PCDHA13: variants seen among roughly 807,000 people sequenced by gnomAD.
The protein encoded by PCDHA13 is protocadherin alpha-13.
PCDHA13 carries 54 observed loss-of-function variants against 64.8 expected under a neutral mutation model. The ratio of observed to expected loss-of-function variants is 0.83; its 90% CI spans 0.67 to 1.04. The LOEUF (loss-of-function observed/expected upper bound fraction) is 1.04. Among genes scored for constraint, PCDHA13 ranks in the 50% least tolerant of loss-of-function variants. PCDHA13 has a pLI of 0.00. For missense variants in PCDHA13, 1,248 were observed against 1,254.3 expected (o/e 0.99, Z 0.08); for synonymous variants, 587 against 564.4 (o/e 1.04, Z -0.57).
intron 1 of PCDHA13, among the ~76,000 whole-genome samples, chr5:140,933,721 C>G (rs957167505): frequency 6.6e-6 from 1 of 151,982 alleles, no homozygotes; most frequent in Non-Finnish European, 1.5e-5. Flanking sequence ...ATTGGTGATA[C>G]AGCTTTCTTA....
At chr5:140,959,090 G>A (rs797041561) in intron 1 of PCDHA13, among the ~76,000 whole-genome samples, 2 of 151,986 alleles carry the variant, frequency 1.3e-5, no homozygotes, top group African/African-American at 2.4e-5. Flanking sequence ...CCTTGGTTTC[G>A]GACATTCAGC....
intron 1 of PCDHA13, among the ~76,000 whole-genome samples, chr5:140,894,474 T>C (rs1333675195): frequency 6.6e-6 from 1 of 152,022 alleles, no homozygotes; most frequent in Non-Finnish European, 1.5e-5. Flanking sequence ...TTATTCTTGT[T>C]TTCATCTTAT....
chr5:140,900,566 G>A (rs1554189260), intron 1 of PCDHA13, among the ~76,000 whole-genome samples: 1 of 152,054 alleles, frequency 6.6e-6, no homozygotes, highest in Non-Finnish European at 1.5e-5. Flanking sequence ...CGTGAGCCAC[G>A]GCACCGGCCC....
intron 1 of PCDHA13, among the ~76,000 whole-genome samples, chr5:140,947,353 A>G (rs1041468487): frequency 4.6e-5 from 7 of 151,616 alleles, no homozygotes; most frequent in African/African-American, 1.7e-4. Context: ...TCTGGACTCT[A>G]TTTCACTCCT....
intron 1 of PCDHA13, among the ~76,000 whole-genome samples, chr5:140,923,307 G>A (rs541732390): frequency 9.2e-5 from 14 of 152,288 alleles, no homozygotes; most frequent in African/African-American, 3.1e-4. Flanking sequence ...GCGTGGGGGC[G>A]CTTGGCCTAG....
Position 140,927,865 on chromosome 5 carries a change from A to G in PCDHA13, c.2394+43203A>G, listed in dbSNP as rs576160357. 6.8e-6 allele frequency: 11 copies of G among 1,614,110 alleles called. No homozygotes were observed. In the Admixed American group the frequency reaches 1.3e-4, roughly 20 times the overall value. On this transcript the variant is annotated intron_variant, in intron 1 of 3. Transcript: ENST00000289272. Reference sequence around the variant, plus strand: ...TGTCTTTGGTTTAGCTAGCACCGCTAAACTGCTGGTGGAGGTGACTGACGT... The same window carrying G: ...TGTCTTTGGTTTAGCTAGCACCGCTGAACTGCTGGTGGAGGTGACTGACGT...
Position 140,956,280 on chromosome 5 carries a change from G to A in PCDHA13, c.2395-22669G>A, listed in dbSNP as rs554735108. On this transcript the variant is annotated intron_variant, in intron 1 of 3. Coordinates refer to ENST00000289272, the MANE Select transcript of PCDHA13 (RefSeq NM_018904.3). ...GCCCATTCAGTGTGGTATTGGCTGT[G>A]GGTTTATCATATATATGGCTCTTAT... Among the ~76,000 whole-genome samples, 16 of 152,206 alleles carry A rather than the reference G, an allele frequency of 1.1e-4. No individual in the cohort carries two copies. In the South Asian group the frequency reaches 3.3e-3, roughly 32 times the overall value.
chr5:141,009,298 T>C (rs1196659486), intron 3 of PCDHA13, among the ~76,000 whole-genome samples: 1 of 152,130 alleles, frequency 6.6e-6, no homozygotes, highest in Non-Finnish European at 1.5e-5. Context: ...CTATAAAATT[T>C]TTTTTAAAAA....
At chr5:140,901,433 A>G (rs1472475784) in intron 1 of PCDHA13, among the ~76,000 whole-genome samples, 2 of 152,104 alleles carry the variant, frequency 1.3e-5, no homozygotes, top group Non-Finnish European at 2.9e-5. Flanking sequence ...CTGCATATGG[A>G]TATCTAGTTT....
chr5:140,901,829 T>C (rs1449316816), intron 1 of PCDHA13, among the ~76,000 whole-genome samples: 1 of 152,230 alleles, frequency 6.6e-6, no homozygotes, highest in African/African-American at 2.4e-5. Flanking sequence ...TTCCAGTCCA[T>C]AAACATGCAA....
intron 1 of PCDHA13, among the ~76,000 whole-genome samples, chr5:140,962,075 C>T (rs999623991): frequency 6.6e-6 from 1 of 151,836 alleles, no homozygotes; most frequent in South Asian, 2.1e-4. Context: ...TTAGTAGAGA[C>T]GGGGTTTCAC....
intron 1 of PCDHA13, chr5:140,969,039 A>G: frequency 6.2e-7 from 1 of 1,614,130 alleles, no homozygotes; most frequent in Non-Finnish European, 8.5e-7. Context: ...GAACTGTACA[A>G]ACAAGCCAAC....
chr5:140,997,817 A>G (rs570760153), intron 3 of PCDHA13, among the ~76,000 whole-genome samples: 2 of 152,306 alleles, frequency 1.3e-5, no homozygotes, highest in South Asian at 4.1e-4. Flanking sequence ...GTTGGTATCT[A>G]TGTTTTCTAA....
intron 1 of PCDHA13, chr5:140,967,749 C>A (rs1554229896): frequency 1.2e-6 from 2 of 1,614,172 alleles, no homozygotes; most frequent in Non-Finnish European, 1.7e-6. Context: ...TATGAGGAAG[C>A]CTCCTCCTAC....
chr5:140,973,815 A>G (rs2096603789), intron 1 of PCDHA13, among the ~76,000 whole-genome samples: 1 of 152,224 alleles, frequency 6.6e-6, no homozygotes, highest in Admixed American at 6.5e-5. Flanking sequence ...CAGAATAGCA[A>G]AGTCAGTTCT....
intron 1 of PCDHA13, among the ~76,000 whole-genome samples, chr5:140,923,177 A>G (rs1325033307): frequency 2.0e-5 from 3 of 152,174 alleles, no homozygotes; most frequent in African/African-American, 7.2e-5. Context: ...TTTTGTTCAG[A>G]TGCATCTACT....
rs1554181471 is a variant in PCDHA13, at chr5:140,884,352, A to G, written c.2084A>G (p.Asp695Gly). ...GAVGPEAALV[D>G]VNVYLIIAIC... ...GTGGGTCCAGAAGCGGCGCTGGTGG[A>G]TGTCAATGTTTACTTGATCATTGCC... is the stretch of plus-strand genomic sequence containing the variant. Residue 695 changes from aspartate (D) to glycine (G), a missense_variant, in exon 1 of 4, where the codon GAT becomes GGT. Physicochemically the swap from Asp to Gly is moderately conservative, Grantham distance 94. Transcript: ENST00000289272. The G allele has an allele frequency of 2.5e-6, 4 of 1,613,710 alleles. No individual in the cohort carries two copies. The Admixed American group carries it at 5.0e-5, about 20-fold the overall frequency.
chr5:140,966,599 C>T, intron 1 of PCDHA13: 1 of 631,096 alleles, frequency 1.6e-6, no homozygotes, highest in Non-Finnish European at 2.4e-6. Context: ...GGCCAGGAGC[C>T]CTTGGGAGGG....
At chr5:140,917,776 A>G (rs1222024686) in intron 1 of PCDHA13, among the ~76,000 whole-genome samples, 2 of 152,044 alleles carry the variant, frequency 1.3e-5, no homozygotes, top group Non-Finnish European at 2.9e-5. Flanking sequence ...TATTAGTACC[A>G]TGTTGTTTTG....
Sources: gnomAD v4.1 joint callset for allele counts (sites outside exome capture counted in the v4.1 genomes callset) on GRCh38, gnomAD v4.1.1 for gene constraint, MANE v1.5 for transcripts, NCBI Gene and HGNC (gene_info 2026-07-23, HGNC 2026-07-21) for gene names.